Variants in PPFIBP2 observed in about 807,000 individuals in gnomAD.
The protein encoded by PPFIBP2 is liprin-beta-2.
A neutral mutation model predicts 118.3 loss-of-function variants in PPFIBP2; 118 were observed. The observed-to-expected ratio is 1.00, with a 90% confidence interval of 0.86 to 1.16. The LOEUF is 1.16. Ranked by LOEUF, PPFIBP2 falls within the 50% of genes most tolerant of loss-of-function variation. PPFIBP2 has a pLI of 0.00. For synonymous variants in PPFIBP2, 414 were observed against 397.4 expected (o/e 1.04, Z -0.50); for missense variants, 1,195 against 1,073.1 (o/e 1.11, Z -1.59).
At chr11:7,615,646 C>T (rs1275648190) in intron 6 of PPFIBP2, among the ~76,000 whole-genome samples, 1 of 152,196 alleles carries the variant, frequency 6.6e-6, no homozygotes, top group Non-Finnish European at 1.5e-5. Context: ...TTCTCACTTG[C>T]TTTCACTCTA....
At chr11:7,514,527 G>T (rs188606470) in intron 1 of PPFIBP2, among the ~76,000 whole-genome samples, 2 of 152,344 alleles carry the variant, frequency 1.3e-5, no homozygotes, top group Admixed American at 6.5e-5. Context: ...GGTTGCGGAA[G>T]CTTTAGGTCT....
intron 7 of PPFIBP2, among the ~76,000 whole-genome samples, chr11:7,621,394 G>A (rs1354475743): frequency 6.6e-6 from 1 of 152,124 alleles, no homozygotes; most frequent in African/African-American, 2.4e-5. Context: ...AAATTCAGTA[G>A]TCCCTTCTAG....
rs77477315 is a variant in PPFIBP2 at position 7,645,474 on chromosome 11, T to G, written c.1647-2913T>G. 6.3e-3 allele frequency among the ~76,000 whole-genome samples: 952 copies of G among 152,320 alleles called. 13 individuals carry two copies. Among genetic ancestry groups the G allele is most frequent in the African/African-American group, 0.022 (910 of 41,564 alleles). On this transcript the variant is annotated intron_variant, in intron 17 of 23. Transcript: ENST00000299492. ...ATTTGAACTGCAATTTGAAAGGATG[T>G]TTTGGAATGTGTCAACAAAACAAAT...
At chr11:7,586,709 C>T (rs924909628) in intron 3 of PPFIBP2, among the ~76,000 whole-genome samples, 1 of 152,036 alleles carries the variant, frequency 6.6e-6, no homozygotes, top group African/African-American at 2.4e-5. Context: ...GAAGGTGGTC[C>T]CTTGGGGAGG....
chr11:7,656,974 C>G, downstream of PPFIBP2: 1 of 400,790 alleles, frequency 2.5e-6, no homozygotes, highest in African/African-American at 2.1e-5. Context: ...AGGGGTGGCC[C>G]CAGGGTCCAT....
chr11:7,625,145 A>T (rs1056513235), intron 7 of PPFIBP2, among the ~76,000 whole-genome samples: 1 of 152,000 alleles, frequency 6.6e-6, no homozygotes, highest in Non-Finnish European at 1.5e-5. Context: ...TTTTTGCAAA[A>T]GTATGTAAAT....
At chr11:7,588,846 G>C (rs558582447) in intron 3 of PPFIBP2, among the ~76,000 whole-genome samples, 22 of 152,288 alleles carry the variant, frequency 1.4e-4, no homozygotes, top group African/African-American at 5.3e-4. Context: ...TCTTGATTCA[G>C]TTCCGTGATA....
intron 7 of PPFIBP2, among the ~76,000 whole-genome samples, chr11:7,622,464 A>G (rs1849465433): frequency 6.6e-6 from 1 of 152,178 alleles, no homozygotes; most frequent in South Asian, 2.1e-4. Context: ...TTTATTGTTG[A>G]TAATTTACAT....
chr11:7,582,873 G>A (rs376620257), intron 3 of PPFIBP2, among the ~76,000 whole-genome samples: 2 of 152,118 alleles, frequency 1.3e-5, no homozygotes, highest in South Asian at 4.1e-4. Context: ...ACCCAATCCT[G>A]TTCCAGCTCC....
intron 3 of PPFIBP2, among the ~76,000 whole-genome samples, chr11:7,581,024 A>G (rs942659939): frequency 1.7e-4 from 26 of 152,326 alleles, no homozygotes; most frequent in African/African-American, 5.8e-4. Context: ...GGCAGCTGCA[A>G]CCTGGGCCAC....
chr11:7,551,205 G>A (rs967892018), intron 2 of PPFIBP2, among the ~76,000 whole-genome samples: 1 of 151,982 alleles, frequency 6.6e-6, no homozygotes, highest in Non-Finnish European at 1.5e-5. Flanking sequence ...TGAGCTCCTC[G>A]GGGTCTCACG....
At chr11:7,576,274 G>C (rs72849638) in intron 3 of PPFIBP2, 3,657 of 152,292 alleles carry the variant, frequency 0.024, 50 homozygotes, top group Middle Eastern at 0.04. Flanking sequence ...TGTAACCACA[G>C]TTCCCACCGT....
At chr11:7,638,390 C>T (rs1056255644) in intron 14 of PPFIBP2, among the ~76,000 whole-genome samples, 1 of 152,210 alleles carries the variant, frequency 6.6e-6, no homozygotes, top group Non-Finnish European at 1.5e-5. Context: ...TTCTACTCCA[C>T]CAGCCAGTTC....
intron 14 of PPFIBP2, among the ~76,000 whole-genome samples, chr11:7,636,916 C>T (rs74054307): frequency 0.053 from 8,127 of 152,250 alleles, 366 homozygotes; most frequent in African/African-American, 0.12. Flanking sequence ...TGCAGCATCC[C>T]TAACTGTAGT....
At chr11:7,606,593 T>C (rs2135439646) in intron 5 of PPFIBP2, among the ~76,000 whole-genome samples, 1 of 152,358 alleles carries the variant, frequency 6.6e-6, no homozygotes, top group South Asian at 2.1e-4. Flanking sequence ...AACCTCAGGT[T>C]TCTAATTAAA....
intron 18 of PPFIBP2, 41 bp downstream of exon 18, chr11:7,648,578 C>T (rs1320427393): frequency 1.9e-6 from 3 of 1,608,320 alleles, no homozygotes; most frequent in Admixed American, 1.7e-5. Flanking sequence ...CCATTTCTCC[C>T]CAAAGCATGG....
chr11:7,666,050 C>T, the PPFIBP2 span: 12 of 758,768 alleles, frequency 1.6e-5, no homozygotes, highest in Non-Finnish European at 2.7e-5. Flanking sequence ...TGTCTGGGGG[C>T]TCAGCATGTC....
chr11:7,579,042 T>C (rs987813484), intron 3 of PPFIBP2, among the ~76,000 whole-genome samples: 10 of 149,496 alleles, frequency 6.7e-5, no homozygotes, highest in Non-Finnish European at 1.5e-4. Flanking sequence ...ATGGGATACA[T>C]TGGGGGGGGT....
At chr11:7,663,992 T>C in the PPFIBP2 span, among the ~76,000 whole-genome samples, 85,764 of 151,908 alleles carry the variant, frequency 0.56, 24,661 homozygotes, top group Non-Finnish European at 0.6. Flanking sequence ...GGCAATGCCT[T>C]GCCCTGCTTC....
Sources: allele counts gnomAD v4.1 joint callset (sites outside exome capture counted in the v4.1 genomes callset), GRCh38; gene constraint gnomAD v4.1.1; transcripts MANE v1.5; gene names NCBI Gene and HGNC (gene_info 2026-07-23, HGNC 2026-07-21).